ADAM22: variants seen among roughly 807,000 people sequenced by gnomAD.
The protein encoded by ADAM22 is disintegrin and metalloproteinase domain-containing protein 22.
A neutral mutation model predicts 144.6 loss-of-function variants in ADAM22; 65 were observed. That is an observed-to-expected ratio of 0.45 (90% CI 0.37 to 0.55). The LOEUF (loss-of-function observed/expected upper bound fraction) is 0.55. Among genes scored for constraint, ADAM22 ranks in the 20% least tolerant of loss-of-function variants. The pLI is 0.00. For synonymous variants in ADAM22, 391 were observed against 412.6 expected (o/e 0.95, Z 0.63); for missense variants, 974 against 1,184.9 (o/e 0.82, Z 2.61).
At chr7:87,956,073 C>G (rs141070750) in intron 2 of ADAM22, among the ~76,000 whole-genome samples, 2 of 152,186 alleles carry the variant, frequency 1.3e-5, no homozygotes, top group African/African-American at 4.8e-5. Flanking sequence ...TGACCCCTTG[C>G]GCTTCCCGAG....
At position 88,181,514 on chromosome 7, in the gene ADAM22, G is replaced by A. The variant is rs1011474909; in HGVS notation, c.2505G>A (p.Gly835=). ...NISLFCSRSN[G]LSHSWSERIP... is the part of the protein sequence containing the mutation. ...ATATTTTCAATTTCAGGTCAAATGG[G>A]CTCTCTCATTCTTGGAGTGAAAGGA... The change falls in exon 28 of 32, where the codon GGG becomes GGA. Residue 835 remains glycine, a synonymous_variant. Transcript: ENST00000413139. 6 of 1,612,972 alleles carry A rather than the reference G, an allele frequency of 3.7e-6. No homozygotes were observed. The South Asian group carries it at 5.5e-5, about 15-fold the overall frequency.
In ADAM22 at chr7:87,982,944, G is replaced by T. The variant is rs1156515336; in HGVS notation, c.323+4532G>T. On this transcript the variant is annotated intron_variant, in intron 3 of 31. Coordinates refer to ENST00000413139, the MANE Select transcript of ADAM22 (RefSeq NM_001324418.2). ...GACCTCAGGTGATCCACCTGCCTCGGCCTCCCAAAGTGCTGGGATTACAAG... is the reference window on the plus strand; with the variant it reads ...GACCTCAGGTGATCCACCTGCCTCGTCCTCCCAAAGTGCTGGGATTACAAG... Among the ~76,000 whole-genome samples, 7 of 151,480 alleles carry T rather than the reference G, an allele frequency of 4.6e-5. No homozygotes were observed. In the South Asian group the frequency reaches 6.3e-4, roughly 14 times the overall value.
At position 88,177,226 on chromosome 7, in the gene ADAM22, A is replaced by G. The variant is rs186264800; in HGVS notation, c.2301-1709A>G. On this transcript the variant is annotated intron_variant, in intron 26 of 31. Transcript: ENST00000413139. ...AAATATTAATGTAATACAAAAGGGA[A>G]GTTTTCTCCCCAAGGCAAAAACTAG... Among the ~76,000 whole-genome samples, 685 of 151,966 alleles carry G rather than the reference A, an allele frequency of 4.5e-3. 7 individuals carry two copies. The highest frequency in any genetic ancestry group is 7.7e-3 in the Non-Finnish European group (525 of 67,944).
At chr7:88,075,794 A>G in intron 4 of ADAM22, 102 bp downstream of exon 4, 2 of 918,596 alleles carry the variant, frequency 2.2e-6, no homozygotes, top group Non-Finnish European at 3.3e-6. Flanking sequence ...TACAGTTTTG[A>G]GGGTTTTAAA....
At position 88,018,778 on chromosome 7, in the gene ADAM22, T is replaced by C. The variant is rs562160537; in HGVS notation, c.323+40366T>C. On this transcript the variant is annotated intron_variant, in intron 3 of 31. Coordinates refer to ENST00000413139, the MANE Select transcript of ADAM22 (RefSeq NM_001324418.2). ...GAGATCAAATGTTGTTTAAATTGTTTCTTAGCAGTGAATAATGGCTCCTTA... is the reference window on the plus strand; with the variant it reads ...GAGATCAAATGTTGTTTAAATTGTTCCTTAGCAGTGAATAATGGCTCCTTA... Among the ~76,000 whole-genome samples, 73 of 152,324 alleles carry C rather than the reference T, an allele frequency of 4.8e-4. 1 individual carries two copies. Among genetic ancestry groups the C allele is most frequent in the African/African-American group, 1.7e-3 (72 of 41,582 alleles).
At chr7:88,073,929 T>C (rs1813491573) in intron 3 of ADAM22, among the ~76,000 whole-genome samples, 1 of 152,214 alleles carries the variant, frequency 6.6e-6, no homozygotes, top group South Asian at 2.1e-4. Flanking sequence ...TTATGTTTAT[T>C]GGACAGATAA....
At chr7:88,002,278 C>T (rs1042991890) in intron 3 of ADAM22, among the ~76,000 whole-genome samples, 2 of 152,108 alleles carry the variant, frequency 1.3e-5, no homozygotes, top group Admixed American at 6.5e-5. Context: ...GAGGACTGCC[C>T]GCCTCTGTCC....
intron 4 of ADAM22, among the ~76,000 whole-genome samples, chr7:88,092,951 A>AT (rs901605442): frequency 5.8e-5 from 7 of 119,894 alleles, no homozygotes; most frequent in Admixed American, 2.2e-4. Flanking sequence ...CTGGTATAAG[A>AT]TTTTTTTTCC....
intron 2 of ADAM22, among the ~76,000 whole-genome samples, chr7:87,954,892 C>A (rs1472374902): frequency 6.6e-6 from 1 of 152,210 alleles, no homozygotes; most frequent in Non-Finnish European, 1.5e-5. Flanking sequence ...ATTTCATCTT[C>A]CATCACTGAT....
chr7:88,155,875 C>T lies in ADAM22; in HGVS notation c.1788-12C>T. ...TTTGGGAAAAGAAGTAATTGGTAAT[C>T]TTTTGATACAGGGATGTGCTTTGTG... On this transcript the variant is annotated splice_polypyrimidine_tract_variant and intron_variant, in intron 21 of 31. Coordinates refer to ENST00000413139, the MANE Select transcript of ADAM22 (RefSeq NM_001324418.2). 6.2e-7 allele frequency: 1 copy of T among 1,609,960 alleles called. No individual in the cohort carries two copies. The highest frequency in any genetic ancestry group is 8.5e-7 in the Non-Finnish European group (1 of 1,178,328).
intron 3 of ADAM22, among the ~76,000 whole-genome samples, chr7:87,985,088 C>A (rs1296107179): frequency 6.7e-6 from 1 of 149,940 alleles, no homozygotes; most frequent in South Asian, 2.1e-4. Flanking sequence ...CTGAGGCGGG[C>A]GGATCACAAG....
intron 3 of ADAM22, among the ~76,000 whole-genome samples, chr7:88,064,583 A>G (rs185616428): frequency 1.3e-5 from 2 of 152,156 alleles, no homozygotes; most frequent in African/African-American, 4.8e-5. Context: ...GTGTCTGGTA[A>G]GGGGTCATTC....
chr7:87,947,972 G>T (rs531315117), intron 2 of ADAM22, among the ~76,000 whole-genome samples: 2 of 152,088 alleles, frequency 1.3e-5, no homozygotes, highest in Non-Finnish European at 2.9e-5. Context: ...AGAGGGCCCT[G>T]TTTCTTCATT....
chr7:87,963,050 A>G (rs1316614548), intron 2 of ADAM22, among the ~76,000 whole-genome samples: 2 of 152,208 alleles, frequency 1.3e-5, no homozygotes, highest in Non-Finnish European at 2.9e-5. Context: ...TAAGATAATA[A>G]CATGTCTTTC....
intron 2 of ADAM22, among the ~76,000 whole-genome samples, chr7:87,962,872 G>A (rs1029821653): frequency 6.6e-6 from 1 of 152,170 alleles, no homozygotes; most frequent in Admixed American, 6.5e-5. Flanking sequence ...GGATCATTCA[G>A]TTTAGGAAGG....
intron 4 of ADAM22, 118 bp from the exon 5 acceptor site, chr7:88,108,058 G>C: frequency 1.5e-6 from 1 of 688,794 alleles, no homozygotes; most frequent in Non-Finnish European, 2.4e-6. Flanking sequence ...TCTGAATAAT[G>C]AAATATCATG....
intron 3 of ADAM22, among the ~76,000 whole-genome samples, chr7:88,051,674 CAT>C (rs994148656): frequency 4.2e-4 from 64 of 151,840 alleles, no homozygotes; most frequent in African/African-American, 8.5e-4. Flanking sequence ...ACATTGTGCA[CAT>C]GTTTCCCAGA....
At chr7:88,038,140 A>G (rs1801962310) in intron 3 of ADAM22, among the ~76,000 whole-genome samples, 1 of 152,188 alleles carries the variant, frequency 6.6e-6, no homozygotes, top group Non-Finnish European at 1.5e-5. Flanking sequence ...GACTTTTAGC[A>G]TTCTCCATGT....
intron 3 of ADAM22, among the ~76,000 whole-genome samples, chr7:88,038,899 G>T (rs1802233080): frequency 6.6e-6 from 1 of 151,672 alleles, no homozygotes; most frequent in Non-Finnish European, 1.5e-5. Context: ...TCCCACCTCA[G>T]CCTCTCGAGT....
Sources: gnomAD v4.1 joint callset for allele counts (sites outside exome capture counted in the v4.1 genomes callset) on GRCh38, gnomAD v4.1.1 for gene constraint, MANE v1.5 for transcripts, NCBI Gene and HGNC (gene_info 2026-07-23, HGNC 2026-07-21) for gene names.